CHD4: variants seen among roughly 807,000 people sequenced by gnomAD.
The protein encoded by CHD4 is chromodomain helicase DNA binding protein 4.
In CHD4, 35 loss-of-function variants were observed where a neutral mutation model predicts 235.5. The observed-to-expected ratio is 0.15, with a 90% CI of 0.11 to 0.20. The LOEUF (loss-of-function observed/expected upper bound fraction) is 0.20. Among genes scored for constraint, CHD4 ranks in the 10% least tolerant of loss-of-function variants. The pLI is 1.00. For missense variants in CHD4, 1,329 were observed against 2,432.3 expected (o/e 0.55, Z 9.54); for synonymous variants, 900 against 850.2 (o/e 1.06, Z -1.02).
chr12:6,590,893 G>C (rs976915356), intron 22 of CHD4, among the ~76,000 whole-genome samples: 8 of 152,098 alleles, frequency 5.3e-5, no homozygotes, highest in Admixed American at 5.2e-4. Flanking sequence ...GGGAGGCCGA[G>C]GTGGGCGGAT....
intron 38 of CHD4, 116 bp downstream of exon 38, chr12:6,572,958 C>A: frequency 1.0e-6 from 1 of 993,848 alleles, no homozygotes; most frequent in Non-Finnish European, 1.5e-6. Context: ...ATCCCTAGCA[C>A]CTCCTAAACT....
chr12:6,589,253 G>A (rs765623983), intron 22 of CHD4, among the ~76,000 whole-genome samples: 3 of 152,128 alleles, frequency 2.0e-5, no homozygotes, highest in Non-Finnish European at 2.9e-5. Flanking sequence ...TGTAATCAAG[G>A]TCCACTGACG....
chr12:6,572,437 A>G (rs1005106688), intron 38 of CHD4, among the ~76,000 whole-genome samples: 4 of 151,810 alleles, frequency 2.6e-5, no homozygotes, highest in Admixed American at 2.0e-4. Context: ...GAAAAAAAAA[A>G]AAAAAAGAGG....
Position 6,573,169 on chromosome 12 carries a change from C to T in CHD4, c.5462G>A (p.Arg1821His), listed in dbSNP as rs1365355127. ...PSHPSMALNT[R>H]FAEVECLAES... ...CGCCAAACACTCCACCTCAGCAAAGCGGGTGTTGAGGGCCATGGAAGGGTG... is the reference window on the plus strand; with the variant it reads ...CGCCAAACACTCCACCTCAGCAAAGTGGGTGTTGAGGGCCATGGAAGGGTG... The change falls in exon 38 of 40, where the codon CGC becomes CAC. Residue 1821 changes from arginine to histidine, a missense_variant. Arg to His is a conservative substitution (Grantham distance 29). This residue lies in a region of CHD4 where 135 missense variants were observed against 282.3 expected (regional missense o/e 0.48). Coordinates refer to ENST00000544040, the MANE Select transcript of CHD4 (RefSeq NM_001273.5). 3 of 1,609,056 alleles carry T rather than the reference C, an allele frequency of 1.9e-6. No individual in the cohort carries two copies. The highest frequency in any genetic ancestry group is 2.2e-5 in the East Asian group (1 of 44,470).
At chr12:6,590,853 G>A (rs1160666094) in intron 22 of CHD4, among the ~76,000 whole-genome samples, 1 of 151,998 alleles carries the variant, frequency 6.6e-6, no homozygotes, top group Admixed American at 6.6e-5. Flanking sequence ...GGCTGGGCGT[G>A]GTGGCTCGTG....
chr12:6,586,341 CA>C (rs1948294060), intron 25 of CHD4, among the ~76,000 whole-genome samples: 1 of 152,078 alleles, frequency 6.6e-6, no homozygotes, highest in Admixed American at 6.5e-5. Context: ...GCAGAGCTTG[CA>C]GTGAGCCAAG....
chr12:6,592,304 G>A, intron 19 of CHD4, 89 bp downstream of exon 19: 1 of 1,475,862 alleles, frequency 6.8e-7, no homozygotes, highest in Non-Finnish European at 9.1e-7. Flanking sequence ...GTCACCAGAT[G>A]CCTTGAAGCT....
chr12:6,575,906 G>A lies in CHD4; in HGVS notation c.5361+1879C>T, dbSNP rs371205280. On this transcript the variant is annotated intron_variant, in intron 37 of 39. Coordinates refer to ENST00000544040, the MANE Select transcript of CHD4 (RefSeq NM_001273.5). ...CTAAGCTTTGCTGGCTCACATCTTT[G>A]CCCAACCTAATCCCTTTGTTCAGAT... Among the ~76,000 whole-genome samples, 5 of 152,074 alleles carry A rather than the reference G, an allele frequency of 3.3e-5. No homozygotes were observed. The East Asian group carries it at 9.7e-4, about 29-fold the overall frequency.
intron 22 of CHD4, among the ~76,000 whole-genome samples, chr12:6,590,652 C>G (rs1565610477): frequency 6.6e-6 from 1 of 152,020 alleles, no homozygotes; most frequent in Non-Finnish European, 1.5e-5. Flanking sequence ...GACCCCATCT[C>G]TACAAAAAAA....
intron 10 of CHD4, 64 bp from the exon 11 acceptor site, chr12:6,598,489 A>G (rs538673743): frequency 7.6e-7 from 1 of 1,314,334 alleles, no homozygotes; most frequent in African/African-American, 1.5e-5. Flanking sequence ...GACAGCCCAC[A>G]GTCTCAACTT....
In CHD4 at chr12:6,581,192, CAA is replaced by C. The variant is rs763846015; in HGVS notation, c.4780-21_4780-20del. ...GTGTACACTTCAAAGGAAAAAAAAA[CAA>C]AAACAAAACAGATGAAGCAGACAGG... On this transcript the variant is annotated intron_variant, in intron 32 of 39. Transcript: ENST00000544040. 1.2e-6 allele frequency: 2 copies of C among 1,609,432 alleles called. No homozygotes were observed. Among genetic ancestry groups the C allele is most frequent in the South Asian group, 1.1e-5 (1 of 90,250 alleles).
intron 37 of CHD4, among the ~76,000 whole-genome samples, chr12:6,576,741 A>G (rs571565617): frequency 6.6e-6 from 1 of 152,114 alleles, no homozygotes; most frequent in South Asian, 2.1e-4. Context: ...CCAATCAGCA[A>G]TCTCTCTCCT....
intron 14 of CHD4, 73 bp from the exon 15 acceptor site, chr12:6,594,723 T>A (rs1948456099): frequency 7.5e-7 from 1 of 1,335,982 alleles, no homozygotes; most frequent in African/African-American, 1.5e-5. Context: ...AGCTGCTTCC[T>A]CCTCACTAGT....
Position 6,601,046 on chromosome 12 carries a change from A to G in CHD4, c.807T>C (p.Asn269=). 6.4e-7 allele frequency: 1 copy of G among 1,571,202 alleles called. No homozygotes were observed. Residue 269 remains asparagine, a synonymous_variant, in exon 7 of 40, where the codon AAT becomes AAC. Transcript: ENST00000544040. Reference sequence around the variant, plus strand: ...GGCTGCCCTTGGGCTTCCTCCGAGCATTGGGACCTAAAATCAGGATATATC... The same window carrying G: ...GGCTGCCCTTGGGCTTCCTCCGAGCGTTGGGACCTAAAATCAGGATATATC... ...KAKTKEGKGP[N]ARRKPKGSPR...
intron 32 of CHD4, 55 bp downstream of exon 32, chr12:6,581,236 A>G: frequency 6.2e-7 from 1 of 1,613,294 alleles, no homozygotes; most frequent in Non-Finnish European, 8.5e-7. Flanking sequence ...ACTAAAAGGA[A>G]GACTGGACTT....
At chr12:6,599,490 A>G in intron 10 of CHD4, among the ~76,000 whole-genome samples, 1 of 152,168 alleles carries the variant, frequency 6.6e-6, no homozygotes, top group Non-Finnish European at 1.5e-5. Context: ...GTAAGCTACC[A>G]AGACCCTGAG....
chr12:6,587,014 A>T, intron 25 of CHD4: 1 of 180,094 alleles, frequency 5.6e-6, no homozygotes, highest in Non-Finnish European at 1.2e-5. Flanking sequence ...CTGTCTCTTA[A>T]ATAAAAACCA....
Position 6,578,484 on chromosome 12 carries a change from C to G in CHD4, c.5044G>C (p.Asp1682His). Residue 1682 changes from aspartate to histidine, a missense_variant, in exon 35 of 40, where the codon GAC (aspartate) becomes CAC (histidine). Coordinates refer to ENST00000544040, the MANE Select transcript of CHD4 (RefSeq NM_001273.5). ...TTCTTCTGTTTCTCATCATTCAGGT[C>G]CTTGGGGGTCTCTCCATTCTGAAGC... ...VMLQNGETPK[D>H]LNDEKQKKNI... 1 of 1,613,850 alleles carries G rather than the reference C, an allele frequency of 6.2e-7. No homozygotes were observed. Among genetic ancestry groups the G allele is most frequent in the Non-Finnish European group, 8.5e-7 (1 of 1,179,982 alleles).
At chr12:6,597,136 C>A (rs1948513592) in intron 12 of CHD4, among the ~76,000 whole-genome samples, 1 of 150,136 alleles carries the variant, frequency 6.7e-6, no homozygotes, top group Non-Finnish European at 1.5e-5. Flanking sequence ...ATTAGCCAGG[C>A]ATGGTGGCGA....
Sources: gnomAD v4.1 joint callset for allele counts (sites outside exome capture counted in the v4.1 genomes callset) on GRCh38, gnomAD v4.1.1 for gene constraint, gnomAD v4.1.1 regional missense constraint, MANE v1.5 for transcripts, NCBI Gene and HGNC (gene_info 2026-07-23, HGNC 2026-07-21) for gene names.